The following FLI1 variants were observed in gnomAD, a reference collection of about 807,000 sequenced individuals.
FLI1 encodes the protein Friend leukemia integration 1 transcription factor.
FLI1 carries 13 observed loss-of-function variants against 53.1 expected under a neutral mutation model. The ratio of observed to expected loss-of-function variants is 0.24; its 90% confidence interval spans 0.16 to 0.39. The LOEUF (loss-of-function observed/expected upper bound fraction) is 0.39. Among genes scored for constraint, FLI1 ranks in the 10% least tolerant of loss-of-function variants. FLI1 has a pLI of 1.00. For missense variants in FLI1, 424 were observed against 600.5 expected (o/e 0.71, Z 3.07); for synonymous variants, 244 against 236.7 (o/e 1.03, Z -0.28).
intron 1 of FLI1, among the ~76,000 whole-genome samples, chr11:128,719,049 A>G (rs967152961): frequency 1.3e-5 from 2 of 152,134 alleles, no homozygotes; most frequent in African/African-American, 2.4e-5. Flanking sequence ...CATTTCCACA[A>G]ATTTTGTCAT....
Position 128,716,828 on chromosome 11 carries a change from A to G in FLI1, c.18+22552A>G, listed in dbSNP as rs560952903. Among the ~76,000 whole-genome samples the G allele has an allele frequency of 2.3e-4, 35 of 152,274 alleles. No individual in the cohort carries two copies. The South Asian group carries it at 7.0e-3, about 31-fold the overall frequency. On this transcript the variant is annotated intron_variant, in intron 1 of 8. Coordinates refer to ENST00000527786, the MANE Select transcript of FLI1 (RefSeq NM_002017.5). ...AGTTTACTCTGGAGAAAACTGAGAC[A>G]AAGAGTCTAAATTGGGCAGGATCTT...
intron 1 of FLI1, among the ~76,000 whole-genome samples, chr11:128,712,537 T>C (rs76036347): frequency 6.6e-6 from 1 of 152,206 alleles, no homozygotes; most frequent in Admixed American, 6.5e-5. Flanking sequence ...AAGAGGTTTA[T>C]TGGACTTACA....
At chr11:128,793,268 T>C (rs1237200205) in intron 5 of FLI1, among the ~76,000 whole-genome samples, 1 of 151,946 alleles carries the variant, frequency 6.6e-6, no homozygotes, top group Non-Finnish European at 1.5e-5. Flanking sequence ...CATAAACCCA[T>C]GGTTCCCAAG....
chr11:128,696,438 A>G (rs566468928), intron 1 of FLI1, among the ~76,000 whole-genome samples: 2 of 152,280 alleles, frequency 1.3e-5, no homozygotes, highest in South Asian at 4.2e-4. Flanking sequence ...CTTGGAGAGG[A>G]CAGTGGACCA....
At chr11:128,686,421 C>T (rs1266250731), upstream of FLI1, 4 of 456,158 alleles carry the variant, frequency 8.8e-6, no homozygotes, top group Non-Finnish European at 8.8e-6. Flanking sequence ...CAGTTCTCAC[C>T]GTCCCCTGGC....
intron 1 of FLI1, among the ~76,000 whole-genome samples, chr11:128,704,221 T>C (rs1938462830): frequency 6.6e-6 from 1 of 152,174 alleles, no homozygotes; most frequent in Non-Finnish European, 1.5e-5. Context: ...GAACCTCACG[T>C]AGATGTTCTA....
chr11:128,753,971 C>A (rs1940755794), intron 1 of FLI1, among the ~76,000 whole-genome samples: 1 of 152,220 alleles, frequency 6.6e-6, no homozygotes, highest in African/African-American at 2.4e-5. Context: ...AGAATGCTCT[C>A]CTCCCCAACT....
chr11:128,721,131 C>A (rs572931309), intron 1 of FLI1, among the ~76,000 whole-genome samples: 94 of 152,302 alleles, frequency 6.2e-4, no homozygotes, highest in African/African-American at 2.2e-3. Flanking sequence ...TCTCTGTGAG[C>A]CCCTTAAGAC....
intron 3 of FLI1, among the ~76,000 whole-genome samples, chr11:128,768,732 T>C (rs1347993358): frequency 6.7e-6 from 1 of 148,392 alleles, no homozygotes; most frequent in East Asian, 2.0e-4. Context: ...TTACCTGACT[T>C]CCTAGCTGCC....
chr11:128,717,487 T>G (rs532610157), intron 1 of FLI1, among the ~76,000 whole-genome samples: 9 of 152,264 alleles, frequency 5.9e-5, no homozygotes, highest in South Asian at 2.1e-4. Flanking sequence ...TTCTAAGGCA[T>G]GTAGGTGCTG....
intron 5 of FLI1, among the ~76,000 whole-genome samples, chr11:128,790,251 G>T (rs1355367175): frequency 1.7e-5 from 2 of 119,748 alleles, no homozygotes; most frequent in Non-Finnish European, 3.3e-5. Context: ...TCGGAGAGTT[G>T]CATTTTTTTT....
intron 2 of FLI1, among the ~76,000 whole-genome samples, chr11:128,763,023 G>A: frequency 6.6e-6 from 1 of 152,112 alleles, no homozygotes; most frequent in Non-Finnish European, 1.5e-5. Flanking sequence ...ACAGTGCTGG[G>A]CCATGGTGGT....
intron 1 of FLI1, among the ~76,000 whole-genome samples, chr11:128,696,493 G>C (rs990641133): frequency 6.6e-6 from 1 of 152,136 alleles, no homozygotes; most frequent in East Asian, 1.9e-4. Context: ...AGAATGAACC[G>C]TCCATTAAGC....
chr11:128,687,234 A>G (rs1259265754), intron 1 of FLI1, among the ~76,000 whole-genome samples: 1 of 150,838 alleles, frequency 6.6e-6, no homozygotes, highest in Non-Finnish European at 1.5e-5. Context: ...GGAAGCGCAG[A>G]TTGCTATATT....
chr11:128,726,881 G>T (rs972175002), intron 1 of FLI1, among the ~76,000 whole-genome samples: 1 of 152,118 alleles, frequency 6.6e-6, no homozygotes. Flanking sequence ...ATGACAGAAC[G>T]CTTCAAGGAG....
chr11:128,800,915 A>G (rs917985115), intron 5 of FLI1, among the ~76,000 whole-genome samples: 2 of 152,228 alleles, frequency 1.3e-5, no homozygotes, highest in African/African-American at 4.8e-5. Context: ...AATCACAATA[A>G]TAAGATCTGT....
intron 1 of FLI1, among the ~76,000 whole-genome samples, chr11:128,715,386 A>T (rs1007593511): frequency 3.9e-5 from 6 of 152,192 alleles, no homozygotes; most frequent in African/African-American, 1.4e-4. Flanking sequence ...ACAAAAATTT[A>T]TTCTCAAACT....
intron 1 of FLI1, among the ~76,000 whole-genome samples, chr11:128,745,355 A>G (rs1940335410): frequency 1.3e-5 from 2 of 152,062 alleles, no homozygotes; most frequent in African/African-American, 4.8e-5. Context: ...CTCTCCCAGA[A>G]AATGGACCTC....
At chr11:128,738,234 C>A (rs1353285679) in intron 1 of FLI1, among the ~76,000 whole-genome samples, 1 of 152,188 alleles carries the variant, frequency 6.6e-6, no homozygotes, top group Non-Finnish European at 1.5e-5. Context: ...AGGGGAGGAG[C>A]AGAGACCAGA....
Sources: allele counts gnomAD v4.1 joint callset (sites outside exome capture counted in the v4.1 genomes callset), GRCh38; gene constraint gnomAD v4.1.1; transcripts MANE v1.5; gene names NCBI Gene and HGNC (gene_info 2026-07-23, HGNC 2026-07-21).